The following SNTG1 variants were observed in gnomAD, a reference collection of about 807,000 sequenced individuals.
SNTG1 encodes the protein syntrophin gamma 1.
A neutral mutation model predicts 74.7 loss-of-function variants in SNTG1; 39 were observed. The ratio of observed to expected loss-of-function variants is 0.52; its 90% CI spans 0.40 to 0.68. SNTG1 has a LOEUF of 0.68. Ranked by LOEUF, SNTG1 falls within the 30% of genes least tolerant of loss-of-function variation. The probability of loss-of-function intolerance (pLI) is 0.00; values close to 1 mark genes in which losing one functional copy is unlikely to be tolerated. For missense variants in SNTG1, 685 were observed against 609.5 expected (o/e 1.12, Z -1.30); for synonymous variants, 254 against 217.1 (o/e 1.17, Z -1.49).
At chr8:50,568,250 T>TGTGC (rs566819078) in intron 12 of SNTG1, among the ~76,000 whole-genome samples, 174 of 152,162 alleles carry the variant, frequency 1.1e-3, no homozygotes, top group African/African-American at 3.9e-3. Context: ...TGTGTGTGTG[T>TGTGC]GTGCTATCTA....
intron 1 of SNTG1, among the ~76,000 whole-genome samples, chr8:50,118,012 C>T (rs1038199783): frequency 6.6e-6 from 1 of 152,048 alleles, no homozygotes; most frequent in Non-Finnish European, 1.5e-5. Context: ...GACTGAGCAC[C>T]CTCCTGTTCT....
intron 15 of SNTG1, among the ~76,000 whole-genome samples, chr8:50,671,184 T>C (rs148603276): frequency 0.52 from 78,544 of 151,404 alleles, 23,907 homozygotes; most frequent in East Asian, 0.68. Context: ...AAAGCCAAAA[T>C]TGACAAATGG....
At position 50,313,795 on chromosome 8, in the gene SNTG1, T is replaced by A. The variant is rs147180393; in HGVS notation, c.-27-80417T>A. On this transcript the variant is annotated intron_variant, in intron 2 of 18. Coordinates refer to ENST00000642720, the MANE Select transcript of SNTG1 (RefSeq NM_018967.5). ...AAACAATGTAAAGAATTGACAGTGA[T>A]CAATATCTTCTTTTACCTCCCTTTA... Among the ~76,000 whole-genome samples the A allele has an allele frequency of 9.3e-3, 1,395 of 150,018 alleles. 138 individuals carry two copies. The highest frequency in any genetic ancestry group is 0.033 in the African/African-American group (1,323 of 40,332).
chr8:50,167,695 C>T (rs1243611012), intron 1 of SNTG1, among the ~76,000 whole-genome samples: 2 of 150,784 alleles, frequency 1.3e-5, no homozygotes, highest in East Asian at 3.9e-4. Flanking sequence ...CGCCTGTAGT[C>T]CCAGCTATTC....
chr8:50,501,423 GCGT>G (rs1272690407), intron 8 of SNTG1, among the ~76,000 whole-genome samples: 21 of 125,406 alleles, frequency 1.7e-4, no homozygotes, highest in Admixed American at 8.9e-5. Flanking sequence ...ATGAGCCTGT[GCGT>G]TTTTTTTTTT....
At chr8:50,499,932 A>G (rs1471115643) in intron 8 of SNTG1, among the ~76,000 whole-genome samples, 2 of 152,032 alleles carry the variant, frequency 1.3e-5, no homozygotes, top group African/African-American at 4.8e-5. Context: ...ATATTTAATA[A>G]TGTTTACATA....
intron 2 of SNTG1, among the ~76,000 whole-genome samples, chr8:50,293,251 C>A: frequency 6.6e-6 from 1 of 152,100 alleles, no homozygotes; most frequent in South Asian, 2.1e-4. Flanking sequence ...AAAGTGTTGG[C>A]AGGGTTGGTT....
At chr8:50,475,891 C>T (rs1043806823) in intron 8 of SNTG1, among the ~76,000 whole-genome samples, 7 of 152,172 alleles carry the variant, frequency 4.6e-5, no homozygotes, top group African/African-American at 1.7e-4. Flanking sequence ...GCAGTCCCCT[C>T]CTTACCCATG....
At chr8:50,045,719 T>C (rs1819028150) in intron 1 of SNTG1, among the ~76,000 whole-genome samples, 1 of 152,076 alleles carries the variant, frequency 6.6e-6, no homozygotes, top group South Asian at 2.1e-4. Flanking sequence ...GTAAGACAAA[T>C]AGTGGGTAAT....
chr8:50,493,639 A>T (rs1037895006), intron 8 of SNTG1, among the ~76,000 whole-genome samples: 1 of 151,948 alleles, frequency 6.6e-6, no homozygotes, highest in Non-Finnish European at 1.5e-5. Context: ...TACAAATTAT[A>T]CAGAGTTTAA....
chr8:50,229,138 A>G (rs1377283322), intron 2 of SNTG1, among the ~76,000 whole-genome samples: 1 of 151,562 alleles, frequency 6.6e-6, no homozygotes, highest in Non-Finnish European at 1.5e-5. Flanking sequence ...TGTATGGTGG[A>G]TATGCTTGGA....
chr8:50,372,600 T>G (rs1274265123), intron 2 of SNTG1, among the ~76,000 whole-genome samples: 1 of 152,198 alleles, frequency 6.6e-6, no homozygotes, highest in Admixed American at 6.5e-5. Context: ...TAACTTTATA[T>G]AATTTTATTA....
intron 11 of SNTG1, among the ~76,000 whole-genome samples, chr8:50,538,116 T>C (rs1010911325): frequency 6.6e-6 from 1 of 152,170 alleles, no homozygotes; most frequent in Admixed American, 6.5e-5. Context: ...TATGTGTAGG[T>C]AATATATCAC....
chr8:49,912,030 G>A lies in SNTG1; in HGVS notation c.-304G>A, dbSNP rs1046439136. 3 of 152,274 alleles carry A rather than the reference G, an allele frequency of 2.0e-5. No homozygotes were observed. Among genetic ancestry groups the A allele is most frequent in the Non-Finnish European group, 4.4e-5 (3 of 68,118 alleles). 9.4% of individuals were successfully genotyped at this position (152,274 alleles called of 1,614,324 possible). On this transcript the variant is annotated 5_prime_UTR_variant, in exon 1 of 19. Coordinates refer to ENST00000642720, the MANE Select transcript of SNTG1 (RefSeq NM_018967.5). ...AGGAATTCTGGAGGAGAGTAAAGTC[G>A]AAGTTCTTAGAAGCTCTGAGAAATC...
chr8:50,033,160 G>A (rs1230397651), intron 1 of SNTG1, among the ~76,000 whole-genome samples: 1 of 151,614 alleles, frequency 6.6e-6, no homozygotes, highest in African/African-American at 2.4e-5. Context: ...TTGTTGCCCG[G>A]GTTGGAGTGC....
At chr8:50,459,501 A>G (rs2093540300) in intron 8 of SNTG1, among the ~76,000 whole-genome samples, 1 of 152,116 alleles carries the variant, frequency 6.6e-6, no homozygotes, top group African/African-American at 2.4e-5. Flanking sequence ...TACCCTTTTT[A>G]TGCAAAATGA....
At chr8:50,084,766 C>T (rs1337770074) in intron 1 of SNTG1, among the ~76,000 whole-genome samples, 1 of 152,142 alleles carries the variant, frequency 6.6e-6, no homozygotes, top group Admixed American at 6.5e-5. Flanking sequence ...AAGGGCTCTG[C>T]CCACATGAAT....
chr8:50,007,968 TA>T (rs1039237808), intron 1 of SNTG1, among the ~76,000 whole-genome samples: 1 of 152,024 alleles, frequency 6.6e-6, no homozygotes, highest in African/African-American at 2.4e-5. Context: ...AACACACTTT[TA>T]AAACCATCAG....
chr8:50,147,986 C>T (rs1424139630), intron 1 of SNTG1, among the ~76,000 whole-genome samples: 1 of 151,914 alleles, frequency 6.6e-6, no homozygotes, highest in African/African-American at 2.4e-5. Flanking sequence ...AGAATACTGG[C>T]AAAAATAGAA....
Sources: allele counts gnomAD v4.1 joint callset (sites outside exome capture counted in the v4.1 genomes callset), GRCh38; gene constraint gnomAD v4.1.1; transcripts MANE v1.5; gene names NCBI Gene and HGNC (gene_info 2026-07-23, HGNC 2026-07-21).